Variants in NFYC observed in about 807,000 individuals in gnomAD.
The protein encoded by NFYC is CAAT box DNA-binding protein subunit C.
NFYC carries 25 observed loss-of-function variants against 53.1 expected under a neutral mutation model. The ratio of observed to expected loss-of-function variants is 0.47; its 90% CI spans 0.34 to 0.66. The LOEUF (loss-of-function observed/expected upper bound fraction) is 0.66. NFYC is among the 30% of genes least tolerant of loss of function. NFYC has a pLI of 0.01. For missense variants in NFYC, 260 were observed against 422.7 expected, an observed-to-expected ratio of 0.62 and a Z score of 3.38; for synonymous variants, 145 against 152.6, an observed-to-expected ratio of 0.95 and a Z score of 0.37.
At chr1:40,725,417 G>A (rs1053778062) in intron 1 of NFYC, among the ~76,000 whole-genome samples, 1 of 152,198 alleles carries the variant, frequency 6.6e-6, no homozygotes, top group Non-Finnish European at 1.5e-5. Flanking sequence ...GTACACAGAC[G>A]TAGGTCTTTT....
chr1:40,721,098 G>A (rs1644311223), intron 1 of NFYC, among the ~76,000 whole-genome samples: 1 of 152,198 alleles, frequency 6.6e-6, no homozygotes, highest in Non-Finnish European at 1.5e-5. Flanking sequence ...TCTGAAGCAA[G>A]TGAATATGCT....
At chr1:40,730,989 C>T (rs1429924403) in intron 1 of NFYC, among the ~76,000 whole-genome samples, 2 of 152,038 alleles carry the variant, frequency 1.3e-5, no homozygotes, top group Non-Finnish European at 2.9e-5. Context: ...TTTTCCAGTA[C>T]TCTGCTTTCT....
chr1:40,731,074 C>T (rs142750477), intron 1 of NFYC, among the ~76,000 whole-genome samples: 8 of 152,052 alleles, frequency 5.3e-5, no homozygotes, highest in African/African-American at 1.9e-4. Flanking sequence ...AGAGTGTGCC[C>T]TGTGATTGAG....
chr1:40,743,187 G>C (rs959307134), intron 2 of NFYC, among the ~76,000 whole-genome samples: 1 of 152,176 alleles, frequency 6.6e-6, no homozygotes, highest in Non-Finnish European at 1.5e-5. Flanking sequence ...TTTGGTCTGC[G>C]TCCTGTAAAA....
chr1:40,749,540 G>A, intron 3 of NFYC, 33 bp from the exon 4 acceptor site: 1 of 1,552,976 alleles, frequency 6.4e-7, no homozygotes, highest in Non-Finnish European at 8.9e-7. Flanking sequence ...TGACTTGCTG[G>A]TGATTGACAG....
intron 1 of NFYC, among the ~76,000 whole-genome samples, chr1:40,711,839 AT>A (rs1255348891): frequency 6.6e-6 from 1 of 152,152 alleles, no homozygotes. Flanking sequence ...ATGGACATTT[AT>A]TTACTCTGAT....
intron 1 of NFYC, chr1:40,735,810 T>A (rs143854676): frequency 2.1e-6 from 2 of 963,090 alleles, no homozygotes; most frequent in Admixed American, 1.2e-4. Context: ...TATTTTTGTT[T>A]GCCCCATTTA....
intron 2 of NFYC, among the ~76,000 whole-genome samples, chr1:40,741,890 C>T (rs1645367176): frequency 6.6e-6 from 1 of 151,408 alleles, no homozygotes; most frequent in Admixed American, 6.6e-5. Flanking sequence ...AGGTGTGAGC[C>T]ACCATGCGTG....
chr1:40,761,952 A>G (rs2148766331), intron 6 of NFYC, among the ~76,000 whole-genome samples: 1 of 142,886 alleles, frequency 7.0e-6, no homozygotes, highest in Admixed American at 7.2e-5. Context: ...TACCACCACC[A>G]GATGAGCCCA....
At chr1:40,696,236 G>A (rs1427560844) in intron 1 of NFYC, among the ~76,000 whole-genome samples, 1 of 152,210 alleles carries the variant, frequency 6.6e-6, no homozygotes, top group East Asian at 1.9e-4. Flanking sequence ...TGTTGGCCAG[G>A]CTGGTCTCAA....
At chr1:40,745,386 C>G (rs1351645882) in intron 2 of NFYC, among the ~76,000 whole-genome samples, 1 of 152,178 alleles carries the variant, frequency 6.6e-6, no homozygotes, top group Admixed American at 6.5e-5. Flanking sequence ...CTAGCATTCT[C>G]TTTGGCATTT....
At chr1:40,722,495 T>C (rs925029554) in intron 1 of NFYC, among the ~76,000 whole-genome samples, 3 of 152,338 alleles carry the variant, frequency 2.0e-5, no homozygotes, top group Non-Finnish European at 1.5e-5. Context: ...GTCTAAATTA[T>C]AGAGAAAAAG....
intron 4 of NFYC, among the ~76,000 whole-genome samples, chr1:40,751,519 C>T (rs1023250119): frequency 6.6e-6 from 1 of 152,154 alleles, no homozygotes; most frequent in African/African-American, 2.4e-5. Context: ...GATCCTCCCA[C>T]CTCAGCCTCC....
chr1:40,765,410 G>A (rs968353660), intron 7 of NFYC, among the ~76,000 whole-genome samples: 1 of 152,218 alleles, frequency 6.6e-6, no homozygotes, highest in Non-Finnish European at 1.5e-5. Flanking sequence ...TGTGAGGCTG[G>A]AAGTCTCAGA....
At chr1:40,719,250 A>G (rs922775286) in intron 1 of NFYC, among the ~76,000 whole-genome samples, 4 of 152,248 alleles carry the variant, frequency 2.6e-5, no homozygotes, top group African/African-American at 4.8e-5. Context: ...GAGGTGGAAC[A>G]AAGGAATTCT....
At chr1:40,716,570 C>G (rs143609763) in intron 1 of NFYC, among the ~76,000 whole-genome samples, 26 of 152,200 alleles carry the variant, frequency 1.7e-4, no homozygotes, top group African/African-American at 6.0e-4. Flanking sequence ...CATTGAAAAT[C>G]TGGGGTAGTA....
intron 6 of NFYC, 141 bp downstream of exon 6, chr1:40,758,435 C>T: frequency 2.1e-6 from 2 of 940,522 alleles, no homozygotes; most frequent in Non-Finnish European, 3.1e-6. Context: ...AACTTTTCCC[C>T]AGATTCAGCT....
chr1:40,695,912 G>A (rs1021528107), intron 1 of NFYC, among the ~76,000 whole-genome samples: 2 of 151,912 alleles, frequency 1.3e-5, no homozygotes, highest in African/African-American at 2.4e-5. Flanking sequence ...CTATGAGGTA[G>A]ATAATATAGC....
At position 40,766,938 on chromosome 1, in the gene NFYC, G is replaced by A. The variant is rs1176350476; in HGVS notation, c.828+235G>A. On this transcript the variant is annotated intron_variant, in intron 8 of 9. Coordinates refer to ENST00000447388, the MANE Select transcript of NFYC (RefSeq NM_014223.5). ...TCAAGGGGCAAAGAAATGCAAGTCAGGGGAAGCCTCGAAGGTGCCTGAAAG... is the reference window on the plus strand; with the variant it reads ...TCAAGGGGCAAAGAAATGCAAGTCAAGGGAAGCCTCGAAGGTGCCTGAAAG... The A allele has an allele frequency of 1.9e-6, 3 of 1,552,186 alleles. No individual in the cohort carries two copies. The African/African-American group carries it at 4.1e-5, about 21-fold the overall frequency.
Sources: allele counts gnomAD v4.1 joint callset (sites outside exome capture counted in the v4.1 genomes callset), GRCh38; gene constraint gnomAD v4.1.1; transcripts MANE v1.5; gene names NCBI Gene and HGNC (gene_info 2026-07-23, HGNC 2026-07-21).